The following SDF2 variants were observed in gnomAD, a reference collection of about 807,000 sequenced individuals.
SDF2 encodes stromal cell-derived factor 2.
SDF2 carries 12 observed loss-of-function variants against 20.5 expected under a neutral mutation model. The observed-to-expected ratio is 0.58, with a 90% CI of 0.37 to 0.95. The LOEUF is 0.95. SDF2 is among the 40% of genes least tolerant of loss of function. SDF2 has a pLI of 0.01. For missense variants in SDF2, 238 were observed against 263.1 expected, an observed-to-expected ratio of 0.90 and a Z score of 0.66; for synonymous variants, 100 against 101.0, an observed-to-expected ratio of 0.99 and a Z score of 0.06.
chr17:28,650,816 A>C (rs1288896235), intron 2 of SDF2, among the ~76,000 whole-genome samples: 5 of 151,138 alleles, frequency 3.3e-5, no homozygotes, highest in Admixed American at 3.3e-4. Flanking sequence ...AAAAAAAAAA[A>C]AAAAAAAAAA....
intron 1 of SDF2, 45 bp from the exon 2 acceptor site, chr17:28,655,528 C>CAACA (rs766309756): frequency 6.7e-7 from 1 of 1,503,244 alleles, no homozygotes; most frequent in Admixed American, 2.0e-5. Flanking sequence ...CTGCCATGGA[C>CAACA]AACATGCTCA....
chr17:28,661,012 AG>A (rs2072029309), intron 1 of SDF2: 3 of 339,086 alleles, frequency 8.8e-6, no homozygotes, highest in African/African-American at 6.6e-5. Context: ...GCCATGTAGT[AG>A]GAACTCATTA....
chr17:28,660,957 T>G (rs2072027892), intron 1 of SDF2: 1 of 170,450 alleles, frequency 5.9e-6, no homozygotes, highest in South Asian at 1.0e-4. Context: ...GTAATTTTCT[T>G]GACTGATTAT....
At chr17:28,657,404 A>ATT (rs112350318) in intron 1 of SDF2, among the ~76,000 whole-genome samples, 3 of 146,360 alleles carry the variant, frequency 2.0e-5, no homozygotes, top group African/African-American at 7.5e-5. Context: ...ATATATATGT[A>ATT]TTTTTTTTTT....
At chr17:28,657,914 C>T (rs992191393) in intron 1 of SDF2, 2 of 152,242 alleles carry the variant, frequency 1.3e-5, no homozygotes, top group East Asian at 1.9e-4. Context: ...ACTCAGGACG[C>T]TGAGATGTGA....
chr17:28,660,720 TCTGA>T (rs1209980930), intron 1 of SDF2: 1 of 155,280 alleles, frequency 6.4e-6, no homozygotes. Flanking sequence ...CCTTGCCTAG[TCTGA>T]CTGATCAGAT....
chr17:28,652,880 TG>T (rs2071926908), intron 2 of SDF2, among the ~76,000 whole-genome samples: 1 of 152,176 alleles, frequency 6.6e-6, no homozygotes, highest in South Asian at 2.1e-4. Flanking sequence ...CAAAGCCAGC[TG>T]AAAGAATTCC....
intron 1 of SDF2, among the ~76,000 whole-genome samples, chr17:28,659,443 C>T (rs1280435419): frequency 7.1e-6 from 1 of 140,484 alleles, no homozygotes; most frequent in Non-Finnish European, 1.5e-5. Flanking sequence ...GACAGGGCGG[C>T]CAGGTGCTCC....
In SDF2 at chr17:28,661,878, C is replaced by T. The variant is rs370167539; in HGVS notation, c.-2G>A. 3.9e-5 allele frequency: 63 copies of T among 1,597,808 alleles called. No homozygotes were observed. Among genetic ancestry groups the T allele is most frequent in the Admixed American group, 8.4e-5 (5 of 59,546 alleles). On this transcript the variant is annotated 5_prime_UTR_variant, in exon 1 of 3. Transcript: ENST00000247020. ...CAACAGCAGAGGTACTACAGCCATC[C>T]TAACTGTATCGCGGAGCCCCAAATC... is the stretch of plus-strand genomic sequence containing the variant.
intron 1 of SDF2, among the ~76,000 whole-genome samples, chr17:28,659,478 G>C (rs1408585532): frequency 1.3e-5 from 2 of 149,026 alleles, no homozygotes; most frequent in African/African-American, 2.5e-5. Context: ...GGGTGGCCGG[G>C]CAGAGGTGCT....
Position 28,661,808 on chromosome 17 carries a change from G to T in SDF2, c.69C>A (p.Val23=). 3 of 1,614,098 alleles carry T rather than the reference G, an allele frequency of 1.9e-6. No homozygotes were observed. The highest frequency in any genetic ancestry group is 2.5e-6 in the Non-Finnish European group (3 of 1,180,020). Residue 23 remains valine (V), a synonymous_variant, in exon 1 of 3, where the codon GTC becomes GTA. Transcript: ENST00000247020. ...WSAVGASSLG[V]VTCGSVVKLL... ...GCTTCACCACGGAGCCGCAAGTAAC[G>T]ACACCCAGGCTGGACGCTCCCACAG... is the stretch of plus-strand genomic sequence containing the variant.
chr17:28,661,544 T>C (rs947229266), intron 1 of SDF2, among the ~76,000 whole-genome samples, 182 bp downstream of exon 1: 1 of 152,142 alleles, frequency 6.6e-6, no homozygotes, highest in Non-Finnish European at 1.5e-5. Flanking sequence ...TCACCAAATA[T>C]TAGGTGGTGT....
At chr17:28,655,708 AGCCTTAGACAAG>A in intron 1 of SDF2, 2 of 593,888 alleles carry the variant, frequency 3.4e-6, no homozygotes, top group Non-Finnish European at 3.0e-6. Context: ...AAGCTGCCAA[AGCCTTAGACAAG>A]GGCCAAGCCC....
chr17:28,661,924 T>G, upstream of SDF2: 1 of 1,575,832 alleles, frequency 6.3e-7, no homozygotes, highest in Non-Finnish European at 8.7e-7. Flanking sequence ...ACTCGGCCCC[T>G]CCCCGGAACC....
At chr17:28,654,539 G>A (rs191957505) in intron 2 of SDF2, among the ~76,000 whole-genome samples, 7 of 152,316 alleles carry the variant, frequency 4.6e-5, no homozygotes, top group Admixed American at 6.5e-5. Context: ...AGCCGGCTGG[G>A]TGCAGTGGCT....
chr17:28,655,745 G>A, intron 1 of SDF2: 1 of 531,230 alleles, frequency 1.9e-6, no homozygotes. Flanking sequence ...TTGCGTGCTT[G>A]CATCCAAATG....
chr17:28,660,360 A>C (rs1264553724), intron 1 of SDF2: 1 of 152,280 alleles, frequency 6.6e-6, no homozygotes, highest in Non-Finnish European at 1.5e-5. Flanking sequence ...AATTAATCCC[A>C]GATAGAGAAT....
rs776899296 is a variant in SDF2 at position 28,649,212 on chromosome 17, T to A, written c.413A>T (p.Asn138Ile). 31 of 1,614,066 alleles carry A rather than the reference T, an allele frequency of 1.9e-5. No homozygotes were observed. Among genetic ancestry groups the A allele is most frequent in the Non-Finnish European group, 2.4e-5 (28 of 1,180,028 alleles). The change falls in exon 3 of 3, where the codon AAT (asparagine) becomes ATT (isoleucine). Residue 138 changes from asparagine (N) to isoleucine (I), a missense_variant. Transcript: ENST00000247020. Reference protein sequence around the residue: ...DYLDDWTVLCNGPYWVRDGEV... With the variant: ...DYLDDWTVLCIGPYWVRDGEV... ...ACCATCTCTCACCCAGTAGGGTCCA[T>A]TACAGAGCACTGTCCAGTCATCCAG... is the stretch of plus-strand genomic sequence containing the variant.
At chr17:28,659,241 C>A (rs2071997942) in intron 1 of SDF2, among the ~76,000 whole-genome samples, 1 of 137,062 alleles carries the variant, frequency 7.3e-6, no homozygotes, top group Non-Finnish European at 1.5e-5. Flanking sequence ...CTCCCCACTT[C>A]CCAGACGGGG....
Sources: gnomAD v4.1 joint callset for allele counts (sites outside exome capture counted in the v4.1 genomes callset) on GRCh38, gnomAD v4.1.1 for gene constraint, MANE v1.5 for transcripts, NCBI Gene and HGNC (gene_info 2026-07-23, HGNC 2026-07-21) for gene names.